The following NBPF19 variants were observed in gnomAD, a reference collection of about 807,000 sequenced individuals.
The protein encoded by NBPF19 is NBPF family member NBPF19.
A neutral mutation model predicts 45.9 loss-of-function variants in NBPF19; 30 were observed. The observed-to-expected ratio is 0.65, with a 90% CI of 0.49 to 0.89. The LOEUF (loss-of-function observed/expected upper bound fraction) is 0.89. Among genes scored for constraint, NBPF19 ranks in the 40% least tolerant of loss-of-function variants. The pLI, the probability that NBPF19 is intolerant of heterozygous loss-of-function variation, is 0.00. For missense variants in NBPF19, 495 were observed against 471.8 expected (o/e 1.05, Z -0.46); for synonymous variants, 183 against 181.2 (o/e 1.01, Z -0.08).
intron 4 of NBPF19, 138 bp downstream of exon 4, chr1:149,479,232 T>C: frequency 1.0e-6 from 1 of 988,950 alleles, no homozygotes; most frequent in Admixed American, 2.1e-5. Context: ...GATCAGGACT[T>C]CCTGGGTAAG....
chr1:149,475,405 CAA>C lies in NBPF19; in HGVS notation c.-425_-424del, dbSNP rs1445862629. Among the ~76,000 whole-genome samples the C allele has an allele frequency of 2.7e-5, 4 of 150,058 alleles. No homozygotes were observed. Among genetic ancestry groups the C allele is most frequent in the Admixed American group, 6.7e-5 (1 of 15,030 alleles). ...TTCTGCCTTGATGATGTTGTACAGA[CAA>C]GAGATAAACAGTGAGGAATATGCTT... On this transcript the variant is annotated 5_prime_UTR_variant, in exon 1 of 94. The change creates a premature stop within an existing upstream ORF in the 5' untranslated region. Transcript: ENST00000651566.
intron 2 of NBPF19, among the ~76,000 whole-genome samples, chr1:149,477,597 C>T (rs1377262961): frequency 6.6e-6 from 1 of 151,310 alleles, no homozygotes; most frequent in Non-Finnish European, 1.5e-5. Context: ...CTACTTCATG[C>T]CCCAGTGCAG....
At chr1:149,488,426 T>A (rs1183657515) in intron 10 of NBPF19, among the ~76,000 whole-genome samples, 36 of 140,176 alleles carry the variant, frequency 2.6e-4, no homozygotes, top group African/African-American at 9.5e-4. Flanking sequence ...CCTACTCTCA[T>A]GACGTTGGAC....
rs1166310426 is a variant in NBPF19, at chr1:149,487,948, C to A, written c.1041-65C>A. 68 of 707,256 alleles carry A rather than the reference C, an allele frequency of 9.6e-5. 3 individuals carry two copies. Among genetic ancestry groups the A allele is most frequent in the Non-Finnish European group, 1.6e-4 (62 of 382,340 alleles). 43.8% of individuals were successfully genotyped at this position (707,256 alleles called of 1,614,324 possible). On this transcript the variant is annotated intron_variant, in intron 9 of 93. Coordinates refer to ENST00000651566, the MANE Select transcript of NBPF19 (RefSeq NM_001351365.2). ...CTCTTCCTTATGTTAGCCATGAAAT[C>A]TAGCTGGGGCTGTGTGGTTTCTGAT...
rs1293996038 is a variant in NBPF19 at position 149,554,519 on chromosome 1, G to T, written c.11313G>T (p.Val3771=). 17 of 1,608,040 alleles carry T rather than the reference G, an allele frequency of 1.1e-5. No homozygotes were observed. Among genetic ancestry groups the T allele is most frequent in the South Asian group, 4.4e-5 (4 of 90,884 alleles). The change falls in exon 94 of 94, where the codon GTG becomes GTT. Residue 3771 remains valine (V), a synonymous_variant. Transcript: ENST00000651566. ...CPRLNSVLME[V]EEPEVLQDSL... ...GGCTCAACAGCGTGCTGATGGAAGT[G>T]GAAGAGCCTGAAGTCTTACAGGACT...
chr1:149,488,780 T>G, intron 10 of NBPF19, 125 bp from the exon 11 acceptor site: 1 of 71,702 alleles, frequency 1.4e-5, no homozygotes, highest in Non-Finnish European at 2.2e-5. Flanking sequence ...CTGAAGAATA[T>G]CTCTCACAGT....
Position 149,555,044 on chromosome 1 carries a change from A to C in NBPF19, c.*306A>C. On this transcript the variant is annotated 3_prime_UTR_variant, in exon 94 of 94. Coordinates refer to ENST00000651566, the MANE Select transcript of NBPF19 (RefSeq NM_001351365.2). ...AAATTCCTCAGGGATTTCATTTTGC[A>C]GGCATGTCTCTGAGCTTCTATACCT... 2.2e-6 allele frequency: 1 copy of C among 459,904 alleles called. No homozygotes were observed. Among genetic ancestry groups the C allele is most frequent in the East Asian group, 4.6e-5 (1 of 21,586 alleles). The allele number at this position is 459,904 out of a possible 1,614,324, so 28.5% of individuals were successfully genotyped here.
Position 149,487,501 on chromosome 1 carries a change from T to C in NBPF19, c.1040+118T>C, listed in dbSNP as rs1257931679. ...TGTCTTGTCAGACAAGTCTGAATTATGCCTAATACATTGCTTTTTTGTTCT... is the reference window on the plus strand; with the variant it reads ...TGTCTTGTCAGACAAGTCTGAATTACGCCTAATACATTGCTTTTTTGTTCT... On this transcript the variant is annotated intron_variant, in intron 9 of 93. Coordinates refer to ENST00000651566, the MANE Select transcript of NBPF19 (RefSeq NM_001351365.2). 7.0e-6 allele frequency: 7 copies of C among 995,074 alleles called. 1 individual carries two copies. The highest frequency in any genetic ancestry group is 1.1e-5 in the Non-Finnish European group (7 of 629,740). The allele number at this position is 995,074 out of a possible 1,614,324, so 61.6% of individuals were successfully genotyped here.
chr1:149,492,555 G>GTCTC (rs1284064788), intron 15 of NBPF19, among the ~76,000 whole-genome samples: 2 of 125,478 alleles, frequency 1.6e-5, no homozygotes, highest in Non-Finnish European at 3.4e-5. Flanking sequence ...CTCTGTCTCT[G>GTCTC]TCTCTCTCTC....
intron 8 of NBPF19, among the ~76,000 whole-genome samples, chr1:149,487,104 C>T (rs1156372699): frequency 6.6e-6 from 1 of 150,736 alleles, no homozygotes; most frequent in Non-Finnish European, 1.5e-5. Flanking sequence ...GGACAGAGCA[C>T]ATAGGGAAGA....
chr1:149,554,899 G>T lies in NBPF19; in HGVS notation c.*161G>T. Reference sequence around the variant, plus strand: ...TCAAACCATGCCAGTGGCAACCTGTGCTCAGTCTGAAGACAATGGACCCAC... The same window carrying T: ...TCAAACCATGCCAGTGGCAACCTGTTCTCAGTCTGAAGACAATGGACCCAC... On this transcript the variant is annotated 3_prime_UTR_variant, in exon 94 of 94. Coordinates refer to ENST00000651566, the MANE Select transcript of NBPF19 (RefSeq NM_001351365.2). The T allele has an allele frequency of 3.7e-6, 5 of 1,361,674 alleles. No homozygotes were observed. In the South Asian group the frequency reaches 5.5e-5, roughly 15 times the overall value. The allele number at this position is 1,361,674 out of a possible 1,614,324, so 84.3% of individuals were successfully genotyped here. A position where few individuals can be genotyped will look rare whatever the true frequency, so the allele number is the denominator to read the frequency against.
At chr1:149,487,775 C>CTG (rs1219803937) in intron 9 of NBPF19, among the ~76,000 whole-genome samples, 10,307 of 128,194 alleles carry the variant, frequency 0.08, 398 homozygotes, top group African/African-American at 0.14. Flanking sequence ...TGAGCTCGCT[C>CTG]TGTGTGTGTG....
Position 149,487,981 on chromosome 1 carries a change from G to A in NBPF19, c.1041-32G>A, listed in dbSNP as rs1249585236. ...GGCTGTGTGGTTTCTGATTCCCCCTGGCTTATTCTTTACTTTTTCCCACTT... is the reference window on the plus strand; with the variant it reads ...GGCTGTGTGGTTTCTGATTCCCCCTAGCTTATTCTTTACTTTTTCCCACTT... On this transcript the variant is annotated intron_variant, in intron 9 of 93. Coordinates refer to ENST00000651566, the MANE Select transcript of NBPF19 (RefSeq NM_001351365.2). 66 of 691,924 alleles carry A rather than the reference G, an allele frequency of 9.5e-5. 1 individual carries two copies. In the African/African-American group the frequency reaches 1.2e-3, roughly 12 times the overall value. 42.9% of individuals were successfully genotyped at this position (691,924 alleles called of 1,614,324 possible).
chr1:149,487,938 G>A (rs2085710870), intron 9 of NBPF19, 75 bp from the exon 10 acceptor site: 2 of 721,526 alleles, frequency 2.8e-6, no homozygotes, highest in South Asian at 1.5e-5. Flanking sequence ...CCTTATGTTA[G>A]CCATGAAATC....
At position 149,554,583 on chromosome 1, in the gene NBPF19, G is replaced by T; in HGVS notation, c.11377G>T (p.Glu3793Ter). The change falls in exon 94 of 94, where the codon GAA becomes TAA. Residue 3793 changes from glutamate (E) to a stop codon, truncating the protein, a stop_gained. Coordinates refer to ENST00000651566, the MANE Select transcript of NBPF19 (RefSeq NM_001351365.2). LOFTEE classifies it low-confidence loss of function (END_TRUNC). ...TTATTCGACTCCGTCAATGTACTTT[G>T]AACTACCTGACTCATTCCAGCACTA... ...GCYSTPSMYF[E>*]LPDSFQHYRS... The T allele has an allele frequency of 6.2e-7, 1 of 1,608,224 alleles. No individual in the cohort carries two copies. Among genetic ancestry groups the T allele is most frequent in the South Asian group, 1.1e-5 (1 of 90,882 alleles).
chr1:149,554,170 A>G (rs1358661366), intron 93 of NBPF19, among the ~76,000 whole-genome samples: 11 of 146,716 alleles, frequency 7.5e-5, no homozygotes, highest in Non-Finnish European at 1.5e-4. Flanking sequence ...CACTCTTTTC[A>G]TGATCACAGT....
chr1:149,487,482 G>T (rs1448226816), intron 9 of NBPF19, 99 bp downstream of exon 9: 3 of 984,902 alleles, frequency 3.0e-6, no homozygotes, highest in Non-Finnish European at 4.8e-6. Flanking sequence ...ATTTTGTCTT[G>T]TCAGACAAGT....
rs2084788632 is a variant in NBPF19, at chr1:149,476,042, AC to A, written c.112del (p.Leu38SerfsTer7). 1 of 1,605,966 alleles carries A rather than the reference AC, an allele frequency of 6.2e-7. No homozygotes were observed. The highest frequency in any genetic ancestry group is 8.5e-7 in the Non-Finnish European group (1 of 1,174,034). On this transcript the variant is annotated frameshift_variant, in exon 2 of 94. Transcript: ENST00000651566. LOFTEE classifies it high-confidence loss of function. Reference sequence around the variant, plus strand: ...GCAGAGAAGAAACAGCAGTTCAGAAACCTCAAAGAGAAATGTTTTCTAACTC... The same window carrying A: ...GCAGAGAAGAAACAGCAGTTCAGAAACTCAAAGAGAAATGTTTTCTAACTC... Reference protein sequence around the residue: ...QLAEKKQQFRNLKEKCFLTQL... With the variant: ...QLAEKKQQFRXLKEKCFLTQL...
chr1:149,478,763 C>G, intron 3 of NBPF19, 117 bp from the exon 4 acceptor site: 1 of 1,170,838 alleles, frequency 8.5e-7, no homozygotes, highest in Non-Finnish European at 1.3e-6. Flanking sequence ...TCAACATGTG[C>G]TGACCTTCTG....
Sources: allele counts gnomAD v4.1 joint callset (sites outside exome capture counted in the v4.1 genomes callset), GRCh38; gene constraint gnomAD v4.1.1; transcripts MANE v1.5; gene names NCBI Gene and HGNC (gene_info 2026-07-23, HGNC 2026-07-21).